The following PDE3A variants were observed in gnomAD, a reference collection of about 807,000 sequenced individuals.
PDE3A encodes phosphodiesterase 3A, also known as cGMP-inhibited 3',5'-cyclic phosphodiesterase 3A.
Under a neutral mutation model 98.3 loss-of-function variants are expected in PDE3A, and 43 were observed. The ratio of observed to expected loss-of-function variants is 0.44; its 90% CI spans 0.34 to 0.56. The LOEUF (loss-of-function observed/expected upper bound fraction) is 0.56. Among genes scored for constraint, PDE3A ranks in the 20% least tolerant of loss-of-function variants. The pLI, the probability that PDE3A is intolerant of heterozygous loss-of-function variation, is 0.01. For synonymous variants in PDE3A, 663 were observed against 567.9 expected, an observed-to-expected ratio of 1.17 and a Z score of -2.38; for missense variants, 1,427 against 1,440.7, an observed-to-expected ratio of 0.99 and a Z score of 0.15.
At position 20,371,432 on chromosome 12, in the gene PDE3A, C is replaced by T. The variant is rs117885471; in HGVS notation, c.960+1188C>T. 3.2e-4 allele frequency: 310 copies of T among 982,590 alleles called. 5 individuals are homozygous for T. The East Asian group carries it at 0.032, about 102-fold the overall frequency. 60.9% of individuals were successfully genotyped at this position (982,590 alleles called of 1,614,324 possible). ...TTTAAATTAATGCCTACCTGTGGTA[C>T]TATTAGGACAACTTTAGGGAGCAAG... On this transcript the variant is annotated intron_variant, in intron 1 of 15. Transcript: ENST00000359062.
chr12:20,629,849 G>T, intron 5 of PDE3A, 59 bp from the exon 6 acceptor site: 1 of 1,297,468 alleles, frequency 7.7e-7, no homozygotes, highest in Non-Finnish European at 1.1e-6. Context: ...AAGTTCAACA[G>T]TTGCAATTTT....
intron 1 of PDE3A, among the ~76,000 whole-genome samples, chr12:20,433,025 C>G (rs1034464648): frequency 1.9e-4 from 29 of 152,290 alleles, no homozygotes; most frequent in African/African-American, 7.0e-4. Context: ...TTGCCCTCCT[C>G]TAAATGAAAC....
intron 2 of PDE3A, among the ~76,000 whole-genome samples, chr12:20,576,642 A>G (rs1942938598): frequency 6.6e-6 from 1 of 152,136 alleles, no homozygotes. Flanking sequence ...TTAAGCATTC[A>G]CTGGTGGAAA....
chr12:20,445,628 A>G (rs7484691), intron 1 of PDE3A, among the ~76,000 whole-genome samples: 49,181 of 152,092 alleles, frequency 0.32, 10,027 homozygotes, highest in East Asian at 0.63. Flanking sequence ...TTTAAAAGTT[A>G]ACAAAATTTT....
chr12:20,535,903 G>GA, intron 1 of PDE3A, among the ~76,000 whole-genome samples: 1 of 152,076 alleles, frequency 6.6e-6, no homozygotes, highest in South Asian at 2.1e-4. Context: ...TTTACTCACA[G>GA]AAAATAAAGG....
intron 2 of PDE3A, among the ~76,000 whole-genome samples, chr12:20,587,425 A>G (rs1177229055): frequency 6.5e-5 from 8 of 123,050 alleles, no homozygotes. Flanking sequence ...TACCATGTAC[A>G]AATATTGGGA....
chr12:20,435,101 C>T (rs1479921707), intron 1 of PDE3A, among the ~76,000 whole-genome samples: 1 of 152,194 alleles, frequency 6.6e-6, no homozygotes, highest in Non-Finnish European at 1.5e-5. Context: ...TGCTGGAGCA[C>T]AGCAGCCAAT....
chr12:20,627,835 A>T (rs1944300938), intron 5 of PDE3A, among the ~76,000 whole-genome samples: 1 of 152,198 alleles, frequency 6.6e-6, no homozygotes, highest in Admixed American at 6.5e-5. Context: ...TCATTGAGAT[A>T]CTCAGTACAG....
rs1943435628 is a variant in PDE3A, at chr12:20,370,006, C to A, written c.722C>A (p.Ala241Glu). ...RFKVAWRPYLAYLAGVLGILL... is the reference protein window; with the variant it reads ...RFKVAWRPYLEYLAGVLGILL... ...AAGGTCGCCTGGAGACCTTACCTGG[C>A]GTACCTGGCCGGCGTGCTGGGGATC... Residue 241 changes from alanine to glutamate, a missense_variant, in exon 1 of 16, where the codon GCG becomes GAG. Coordinates refer to ENST00000359062, the MANE Select transcript of PDE3A (RefSeq NM_000921.5). The A allele has an allele frequency of 1.2e-6, 2 of 1,612,992 alleles. No homozygotes were observed.
intron 1 of PDE3A, among the ~76,000 whole-genome samples, chr12:20,501,780 C>G (rs917077867): frequency 1.8e-4 from 28 of 152,012 alleles, no homozygotes; most frequent in Non-Finnish European, 1.9e-4. Context: ...AAAAAGGATT[C>G]TAGATTTTGA....
At chr12:20,636,149 G>T (rs12580173) in intron 8 of PDE3A, among the ~76,000 whole-genome samples, 12,137 of 152,128 alleles carry the variant, frequency 0.08, 509 homozygotes, top group East Asian at 0.1. Context: ...TTGTCATATT[G>T]TCAGGCATAT....
intron 1 of PDE3A, among the ~76,000 whole-genome samples, chr12:20,433,157 T>C (rs1591926729): frequency 6.6e-6 from 1 of 152,176 alleles, no homozygotes; most frequent in African/African-American, 2.4e-5. Context: ...CTAATCTTTT[T>C]TTGAACTATT....
In PDE3A at chr12:20,593,713, A is replaced by G. The variant is rs550137814; in HGVS notation, c.1012-19730A>G. Among the ~76,000 whole-genome samples the G allele has an allele frequency of 5.3e-5, 8 of 152,308 alleles. No individual in the cohort carries two copies. In the South Asian group the frequency reaches 8.3e-4, roughly 16 times the overall value. Reference sequence around the variant, plus strand: ...AGCCAAGTAGGAAATACATGAGGAAAAGATTTCCAAAGATAAAATATTTTC... The same window carrying G: ...AGCCAAGTAGGAAATACATGAGGAAGAGATTTCCAAAGATAAAATATTTTC... On this transcript the variant is annotated intron_variant, in intron 2 of 15. Transcript: ENST00000359062.
At chr12:20,422,203 G>A (rs947173769) in intron 1 of PDE3A, among the ~76,000 whole-genome samples, 2 of 151,918 alleles carry the variant, frequency 1.3e-5, no homozygotes, top group African/African-American at 2.4e-5. Flanking sequence ...AAAATTAGCC[G>A]GGCATGGTGG....
rs1224907838 is a variant in PDE3A at position 20,684,503 on chromosome 12, A to T, written c.*4232A>T. On this transcript the variant is annotated 3_prime_UTR_variant, in exon 16 of 16. Coordinates refer to ENST00000359062, the MANE Select transcript of PDE3A (RefSeq NM_000921.5). ...TATCAATAGAAGTTCAAATGCTAATAGCTCAATTCCAGATAATTGAAAGCT... is the reference window on the plus strand; with the variant it reads ...TATCAATAGAAGTTCAAATGCTAATTGCTCAATTCCAGATAATTGAAAGCT... The T allele has an allele frequency of 6.6e-6, 1 of 152,252 alleles. No individual in the cohort carries two copies. The highest frequency in any genetic ancestry group is 1.5e-5 in the Non-Finnish European group (1 of 68,044). The allele number at this position is 152,252 out of a possible 1,614,324, so 9.4% of individuals were successfully genotyped here.
At chr12:20,424,522 A>G (rs1944573440) in intron 1 of PDE3A, among the ~76,000 whole-genome samples, 3 of 152,216 alleles carry the variant, frequency 2.0e-5, no homozygotes, top group African/African-American at 7.2e-5. Context: ...TTTTTATTGC[A>G]AATTATTAAT....
chr12:20,554,365 A>T (rs11045302), intron 1 of PDE3A, among the ~76,000 whole-genome samples: 146,327 of 150,058 alleles, frequency 0.98, 71,397 homozygotes, highest in Non-Finnish European at 1. Flanking sequence ...CAGATAAAAA[A>T]AAAAAAATAA....
intron 1 of PDE3A, among the ~76,000 whole-genome samples, chr12:20,477,297 T>C (rs1945548210): frequency 6.6e-6 from 1 of 152,190 alleles, no homozygotes. Context: ...TGAGATAATA[T>C]TTTACCATAA....
chr12:20,674,731 A>T (rs1055937972), intron 15 of PDE3A, among the ~76,000 whole-genome samples: 1 of 151,988 alleles, frequency 6.6e-6, no homozygotes, highest in Non-Finnish European at 1.5e-5. Flanking sequence ...TAGTTTGCTA[A>T]TACATACTTG....
Sources: allele counts gnomAD v4.1 joint callset (sites outside exome capture counted in the v4.1 genomes callset), GRCh38; gene constraint gnomAD v4.1.1; transcripts MANE v1.5; gene names NCBI Gene and HGNC (gene_info 2026-07-23, HGNC 2026-07-21).